FAM217A: variants seen among roughly 807,000 people sequenced by gnomAD.
The protein encoded by FAM217A is family with sequence similarity 217 member A, also known as protein FAM217A.
FAM217A carries 13 observed loss-of-function variants against 18.5 expected under a neutral mutation model. That is an observed-to-expected ratio of 0.70 (90% CI 0.46 to 1.12). FAM217A has a LOEUF of 1.12. FAM217A is among the 50% of genes most tolerant of loss of function. The pLI is 0.00. For synonymous variants in FAM217A, 161 were observed against 202.8 expected, an observed-to-expected ratio of 0.79 and a Z score of 1.75; for missense variants, 560 against 575.4, an observed-to-expected ratio of 0.97 and a Z score of 0.27.
Position 4,069,409 on chromosome 6 carries a change from A to G in FAM217A, c.814T>C (p.Trp272Arg). 2 of 1,614,158 alleles carry G rather than the reference A, an allele frequency of 1.2e-6. No homozygotes were observed. The highest frequency in any genetic ancestry group is 1.7e-6 in the Non-Finnish European group (2 of 1,180,028). ...TCTGCAGGGTCCACTGTCACTTTCC[A>G]ATTGTCAGATTTGGAGAGGGCTAAA... ...HNLALSKSDNWKVTVDPAETS... is the reference protein window; with the variant it reads ...HNLALSKSDNRKVTVDPAETS... The change falls in exon 7 of 7, where the codon TGG (tryptophan) becomes CGG (arginine). Residue 272 changes from tryptophan to arginine, a missense_variant. Transcript: ENST00000274673.
chr6:4,085,937 C>G (rs1375088633), intron 1 of FAM217A, among the ~76,000 whole-genome samples: 1 of 151,088 alleles, frequency 6.6e-6, no homozygotes, highest in African/African-American at 2.4e-5. Context: ...TAGCGAGACC[C>G]TGTCTCTACA....
upstream of FAM217A, among the ~76,000 whole-genome samples, chr6:4,083,156 G>A (rs1770412533): frequency 6.6e-6 from 1 of 152,250 alleles, no homozygotes; most frequent in African/African-American, 2.4e-5. Context: ...AAGCTCTTAC[G>A]TTAATTACAA....
intron 1 of FAM217A, among the ~76,000 whole-genome samples, chr6:4,077,886 G>A (rs1391226775): frequency 6.6e-6 from 1 of 152,196 alleles, no homozygotes; most frequent in East Asian, 1.9e-4. Context: ...ATATTTCGGA[G>A]ACAACAAAAT....
chr6:4,087,056 T>C (rs1770713082), upstream of FAM217A: 1 of 399,230 alleles, frequency 2.5e-6, no homozygotes, highest in Admixed American at 4.4e-5. Context: ...TGAAGCTCTT[T>C]CCTCAGTTCT....
chr6:4,072,080 C>T (rs568363011), intron 6 of FAM217A, among the ~76,000 whole-genome samples: 15 of 152,296 alleles, frequency 9.8e-5, no homozygotes, highest in African/African-American at 3.1e-4. Flanking sequence ...CGGTGGCTCA[C>T]GCCCGTAATC....
chr6:4,074,067 G>A (rs1040986093), intron 4 of FAM217A, among the ~76,000 whole-genome samples: 1 of 152,084 alleles, frequency 6.6e-6, no homozygotes, highest in Non-Finnish European at 1.5e-5. Context: ...GCACAGGCTG[G>A]TCTCAAACTC....
chr6:4,069,996 C>T (rs1443979183), intron 6 of FAM217A, 76 bp from the exon 7 acceptor site: 1 of 1,072,950 alleles, frequency 9.3e-7, no homozygotes, highest in Non-Finnish European at 1.3e-6. Context: ...CAGTTAAGTA[C>T]CCTTTATCAA....
exon 2 of FAM217A, chr6:4,084,597 T>C (rs748474068): frequency 1.4e-6 from 1 of 703,002 alleles, no homozygotes; most frequent in South Asian, 1.5e-5. Context: ...CCAGGAAAGG[T>C]GTAACTTGAA....
chr6:4,072,167 C>T (rs534872588), intron 6 of FAM217A, among the ~76,000 whole-genome samples: 8 of 151,590 alleles, frequency 5.3e-5, no homozygotes, highest in African/African-American at 1.5e-4. Flanking sequence ...ATGGTAAAAC[C>T]CCATCTCTAC....
chr6:4,086,497 A>G (rs796801510), intron 1 of FAM217A, among the ~76,000 whole-genome samples: 11 of 151,844 alleles, frequency 7.2e-5, no homozygotes, highest in African/African-American at 2.7e-4. Context: ...ATATGCATAT[A>G]TGAATGGAAT....
At chr6:4,076,398 T>C (rs1202227446) in intron 2 of FAM217A, among the ~76,000 whole-genome samples, 1 of 152,132 alleles carries the variant, frequency 6.6e-6, no homozygotes, top group Non-Finnish European at 1.5e-5. Context: ...GATCCTTTTG[T>C]AGTTCACAGC....
At chr6:4,074,349 GT>G (rs1769623668) in intron 4 of FAM217A, 93 bp downstream of exon 4, 6 of 1,036,538 alleles carry the variant, frequency 5.8e-6, no homozygotes, top group Non-Finnish European at 8.4e-6. Context: ...GAAATTTAAA[GT>G]TTAACTTTCA....
chr6:4,080,302 A>C (rs1770202269), upstream of FAM217A, among the ~76,000 whole-genome samples: 1 of 151,654 alleles, frequency 6.6e-6, no homozygotes, highest in Admixed American at 6.6e-5. Context: ...ATTTCATGAC[A>C]CCCCGTTGTT....
rs1769194835 is a variant in FAM217A, at chr6:4,068,836, T to C, written c.1387A>G (p.Lys463Glu). The change falls in exon 7 of 7, where the codon AAG becomes GAG. Residue 463 changes from lysine to glutamate, a missense_variant. Transcript: ENST00000274673. ...TTCTTTTTGGTCCCAAAGTTTCTCT[T>C]CGGTGCCTTAATTTCTTCCTTCTGA... ...ENQKEEIKAPKRNFGTKKKLY... is the reference protein window; with the variant it reads ...ENQKEEIKAPERNFGTKKKLY... 4 of 1,614,194 alleles carry C rather than the reference T, an allele frequency of 2.5e-6. No homozygotes were observed. The highest frequency in any genetic ancestry group is 3.4e-6 in the Non-Finnish European group (4 of 1,180,014).
upstream of FAM217A, chr6:4,079,530 C>G: frequency 9.4e-7 from 1 of 1,068,120 alleles, no homozygotes; most frequent in Non-Finnish European, 1.2e-6. Context: ...CTCCCCAGGC[C>G]TTCCCCGAGG....
intron 1 of FAM217A, 120 bp from the exon 2 acceptor site, chr6:4,077,568 G>C: frequency 3.6e-6 from 3 of 834,132 alleles, no homozygotes; most frequent in South Asian, 3.0e-5. Flanking sequence ...GCAGAAGAGA[G>C]GGGCTAGGAG....
intron 1 of FAM217A, chr6:4,084,862 T>G: frequency 2.9e-6 from 2 of 690,564 alleles, no homozygotes; most frequent in Non-Finnish European, 5.3e-6. Context: ...GAATAAAAGA[T>G]CAGCCTAACT....
At chr6:4,085,311 A>AATATATATATAT (rs10636236) in intron 1 of FAM217A, among the ~76,000 whole-genome samples, 91 of 146,436 alleles carry the variant, frequency 6.2e-4, no homozygotes, top group Admixed American at 5.3e-3. Flanking sequence ...TGTAAAAAAA[A>AATATATATATAT]ATATATATAT....
At position 4,069,632 on chromosome 6, in the gene FAM217A, T is replaced by G. The variant is rs140560461; in HGVS notation, c.591A>C (p.Glu197Asp). 77 of 1,614,070 alleles carry G rather than the reference T, an allele frequency of 4.8e-5. No individual in the cohort carries two copies. The highest frequency in any genetic ancestry group is 6.4e-5 in the Non-Finnish European group (76 of 1,180,042). The stretch of plus-strand genomic sequence containing the variant: ...ATAAATCACTTTCATCTGTGAAATT[T>G]TCTTCCACACTGCTGTTTCCATGTT... ...NLKHGNSSVEENFTDESDLSE... is the reference protein window; with the variant it reads ...NLKHGNSSVEDNFTDESDLSE... The change falls in exon 7 of 7, where the codon GAA becomes GAC. Residue 197 changes from glutamate (E) to aspartate (D), a missense_variant. By Grantham distance (45) the Glu-to-Asp change is conservative. Coordinates refer to ENST00000274673, the MANE Select transcript of FAM217A (RefSeq NM_173563.3).
Sources: allele counts gnomAD v4.1 joint callset (sites outside exome capture counted in the v4.1 genomes callset), GRCh38; gene constraint gnomAD v4.1.1; transcripts MANE v1.5; gene names NCBI Gene and HGNC (gene_info 2026-07-23, HGNC 2026-07-21).